PHLDB2: variants seen among roughly 807,000 people sequenced by gnomAD.
PHLDB2 encodes the protein pleckstrin homology-like domain family B member 2.
PHLDB2 carries 71 observed loss-of-function variants against 123.6 expected under a neutral mutation model. The observed-to-expected ratio is 0.57, with a 90% CI of 0.47 to 0.70. PHLDB2 has a LOEUF of 0.70. Among genes scored for constraint, PHLDB2 ranks in the 30% least tolerant of loss-of-function variants. The pLI, the probability that PHLDB2 is intolerant of heterozygous loss-of-function variation, is 0.00. For missense variants in PHLDB2, 1,446 were observed against 1,519.5 expected, an observed-to-expected ratio of 0.95 and a Z score of 0.80; for synonymous variants, 547 against 541.6, an observed-to-expected ratio of 1.01 and a Z score of -0.14.
At chr3:111,885,931 A>C (rs969156953) in intron 2 of PHLDB2, 1 of 310,258 alleles carries the variant, frequency 3.2e-6, no homozygotes, top group African/African-American at 2.2e-5. Flanking sequence ...CAACCTTACT[A>C]TCTTTAGCTC....
chr3:111,804,437 G>C (rs927982185), intron 1 of PHLDB2, among the ~76,000 whole-genome samples: 4 of 152,328 alleles, frequency 2.6e-5, no homozygotes, highest in Non-Finnish European at 5.9e-5. Flanking sequence ...AGCCAATGAT[G>C]TTCAGGTCAA....
At chr3:111,774,926 T>C (rs978906482) in intron 1 of PHLDB2, among the ~76,000 whole-genome samples, 4 of 152,192 alleles carry the variant, frequency 2.6e-5, no homozygotes, top group African/African-American at 9.7e-5. Context: ...TGGATTGGAT[T>C]CTGCCTGAAT....
intron 8 of PHLDB2, among the ~76,000 whole-genome samples, chr3:111,944,135 T>C (rs1355678414): frequency 1.3e-5 from 2 of 152,194 alleles, no homozygotes; most frequent in Non-Finnish European, 2.9e-5. Flanking sequence ...TGATTCCATT[T>C]ATATAAAGTG....
intron 1 of PHLDB2, among the ~76,000 whole-genome samples, chr3:111,772,942 G>A (rs1205202115): frequency 6.6e-6 from 1 of 152,142 alleles, no homozygotes; most frequent in African/African-American, 2.4e-5. Context: ...TTCCTAAGTT[G>A]AGGCCAACAA....
At chr3:111,803,727 G>A (rs1451112930) in intron 1 of PHLDB2, among the ~76,000 whole-genome samples, 2 of 152,174 alleles carry the variant, frequency 1.3e-5, no homozygotes, top group Non-Finnish European at 2.9e-5. Context: ...TAACCTCATT[G>A]AGCGTTACTT....
At chr3:111,902,883 C>T (rs1340015089) in intron 2 of PHLDB2, among the ~76,000 whole-genome samples, 1 of 152,234 alleles carries the variant, frequency 6.6e-6, no homozygotes, top group African/African-American at 2.4e-5. Context: ...AAGTGATCCC[C>T]TACCTTGGCC....
chr3:111,747,444 G>A (rs1000710974), intron 1 of PHLDB2, among the ~76,000 whole-genome samples: 1 of 151,936 alleles, frequency 6.6e-6, no homozygotes, highest in Admixed American at 6.6e-5. Context: ...TAAAAGAAGG[G>A]ACTTTCATGT....
chr3:111,859,761 C>G (rs1341667344), intron 1 of PHLDB2, 185 bp downstream of exon 1: 1 of 985,350 alleles, frequency 1.0e-6, no homozygotes, highest in Non-Finnish European at 1.2e-6. Flanking sequence ...TGACTGCTCA[C>G]CGCGAGTCAG....
In PHLDB2 at chr3:111,764,888, C is replaced by T. The variant is rs529166061; in HGVS notation, c.-49+32185C>T. On this transcript the variant is annotated intron_variant, in intron 1 of 17. Coordinates refer to the PHLDB2 transcript ENST00000393923. Reference sequence around the variant, plus strand: ...TTCTTTTTGATGAGTCAGACTCTGTCTTCCAAAAGTTAATTTATACTTGCT... The same window carrying T: ...TTCTTTTTGATGAGTCAGACTCTGTTTTCCAAAAGTTAATTTATACTTGCT... 2.2e-4 allele frequency among the ~76,000 whole-genome samples: 34 copies of T among 152,302 alleles called. No homozygotes were observed. In the East Asian group the frequency reaches 6.2e-3, roughly 28 times the overall value.
chr3:111,930,476 A>G (rs897503070), intron 5 of PHLDB2, among the ~76,000 whole-genome samples: 5 of 152,190 alleles, frequency 3.3e-5, no homozygotes, highest in African/African-American at 9.7e-5. Flanking sequence ...CTGGTGATGC[A>G]GTACCTAGAA....
chr3:111,824,497 C>T (rs554259933), intron 1 of PHLDB2, among the ~76,000 whole-genome samples: 3 of 152,250 alleles, frequency 2.0e-5, no homozygotes, highest in South Asian at 2.1e-4. Flanking sequence ...CTGGAGTGAA[C>T]GTGTGACCCA....
chr3:111,845,620 G>A (rs1190257021), intron 1 of PHLDB2, among the ~76,000 whole-genome samples: 1 of 152,102 alleles, frequency 6.6e-6, no homozygotes, highest in Non-Finnish European at 1.5e-5. Flanking sequence ...GCTGGTGGTG[G>A]CGAAGTTCTG....
chr3:111,830,879 C>T (rs1184094762), intron 1 of PHLDB2, among the ~76,000 whole-genome samples: 2 of 143,502 alleles, frequency 1.4e-5, no homozygotes, highest in Admixed American at 7.1e-5. Context: ...GCATGAGGGG[C>T]GGTGGGATCT....
chr3:111,973,856 A>G (rs1371833112), intron 17 of PHLDB2, 39 bp downstream of exon 17: 1 of 1,237,438 alleles, frequency 8.1e-7, no homozygotes, highest in Non-Finnish European at 1.2e-6. Context: ...ATTTGAATGC[A>G]TAATTAAGAA....
chr3:111,752,710 C>T (rs1048435031), intron 1 of PHLDB2, among the ~76,000 whole-genome samples: 67 of 151,866 alleles, frequency 4.4e-4, no homozygotes, highest in African/African-American at 1.4e-3. Flanking sequence ...AGGTTAGTTA[C>T]ATATGTATAC....
In PHLDB2 at chr3:111,918,978, G is replaced by A. The variant is rs1051585936; in HGVS notation, c.1720-94G>A. On this transcript the variant is annotated intron_variant, in intron 3 of 17. Coordinates refer to ENST00000431670, the MANE Select transcript of PHLDB2 (RefSeq NM_001134438.2). ...TAAAATCTACATGGGCATGGAGACT[G>A]TGAGACCCTAGACCTGTGGATGGTT... is the stretch of plus-strand genomic sequence containing the variant. 2.3e-6 allele frequency: 3 copies of A among 1,328,870 alleles called. No individual in the cohort carries two copies. The African/African-American group carries it at 4.4e-5, about 19-fold the overall frequency. 82.3% of individuals were successfully genotyped at this position (1,328,870 alleles called of 1,614,324 possible).
At chr3:111,930,310 T>G (rs2069065256) in intron 5 of PHLDB2, among the ~76,000 whole-genome samples, 1 of 152,176 alleles carries the variant, frequency 6.6e-6, no homozygotes, top group Non-Finnish European at 1.5e-5. Flanking sequence ...TTTAGGCCAG[T>G]GGCTTTCTGT....
At chr3:111,817,123 C>T (rs1402056733) in intron 1 of PHLDB2, among the ~76,000 whole-genome samples, 1 of 152,062 alleles carries the variant, frequency 6.6e-6, no homozygotes, top group Non-Finnish European at 1.5e-5. Context: ...TGTAAATTAC[C>T]CAGTCTCAGG....
chr3:111,878,330 C>T (rs1217767963), intron 1 of PHLDB2, among the ~76,000 whole-genome samples: 1 of 152,146 alleles, frequency 6.6e-6, no homozygotes, highest in Admixed American at 6.5e-5. Flanking sequence ...AATGGGAGTT[C>T]ACTCATGATT....
Sources: gnomAD v4.1 joint callset for allele counts (sites outside exome capture counted in the v4.1 genomes callset) on GRCh38, gnomAD v4.1.1 for gene constraint, MANE v1.5 for transcripts, NCBI Gene and HGNC (gene_info 2026-07-23, HGNC 2026-07-21) for gene names.